ABCC10: variants seen among roughly 807,000 people sequenced by gnomAD.
ABCC10 encodes the protein ATP-binding cassette sub-family C member 10.
Under a neutral mutation model 143.2 loss-of-function variants are expected in ABCC10, and 110 were observed. The ratio of observed to expected loss-of-function variants is 0.77; its 90% CI spans 0.66 to 0.90. ABCC10 has a LOEUF of 0.90. ABCC10 is among the 40% of genes least tolerant of loss of function. The pLI is 0.00. For missense variants in ABCC10, 1,700 were observed against 1,900.5 expected, an observed-to-expected ratio of 0.89 and a Z score of 1.96; for synonymous variants, 805 against 846.7, an observed-to-expected ratio of 0.95 and a Z score of 0.85.
chr6:43,450,426 G>T lies in ABCC10; in HGVS notation c.*335G>T. On this transcript the variant is annotated 3_prime_UTR_variant, in exon 22 of 22. Transcript: ENST00000372530. This position sits in a 1 kb window ranked among gnomAD's most constrained non-coding sequence, Gnocchi z 4.5. ...ATTAAAAAAATAATATTTCTGGTGT[G>T]AGGCTGAGGTCTCCTCTGTGTGTGT... 1.7e-6 allele frequency: 2 copies of T among 1,203,458 alleles called. No individual in the cohort carries two copies. Among genetic ancestry groups the T allele is most frequent in the African/African-American group, 1.5e-5 (1 of 65,680 alleles). The allele number at this position is 1,203,458 out of a possible 1,614,324, so 74.5% of individuals were successfully genotyped here. A position where few individuals can be genotyped will look rare whatever the true frequency, so the allele number is the denominator to read the frequency against.
At chr6:43,429,409 T>TGTGG (rs1562163670) in intron 2 of ABCC10, among the ~76,000 whole-genome samples, 2 of 27,420 alleles carry the variant, frequency 7.3e-5, no homozygotes, top group Non-Finnish European at 1.6e-4. Context: ...TGTGTGTGTG[T>TGTGG]GGCGGGGGGG....
intron 8 of ABCC10, among the ~76,000 whole-genome samples, chr6:43,440,049 C>T (rs1311827006): frequency 6.6e-6 from 1 of 151,614 alleles, no homozygotes; most frequent in African/African-American, 2.4e-5. Context: ...CTTTGCCGCT[C>T]GGGTTCAAGT....
chr6:43,434,929 C>T (rs955218529), intron 4 of ABCC10, 81 bp downstream of exon 4: 2 of 1,446,468 alleles, frequency 1.4e-6, no homozygotes, highest in Non-Finnish European at 9.6e-7. Flanking sequence ...TCAGTGCTGG[C>T]TGAGAAGGAG....
rs1230502085 is a variant in ABCC10, at chr6:43,427,567, G to A, written c.-202G>A. ...GCATATGGGCGTGGCGAATAGCGCC[G>A]GCTAGGTCTTCCAACCTCTAGGTGG... On this transcript the variant is annotated 5_prime_UTR_variant, in exon 1 of 22. Coordinates refer to ENST00000372530, the MANE Select transcript of ABCC10 (RefSeq NM_001198934.2). 10 of 298,598 alleles carry A rather than the reference G, an allele frequency of 3.3e-5. No individual in the cohort carries two copies. The highest frequency in any genetic ancestry group is 2.9e-5 in the South Asian group (1 of 34,252). 18.5% of individuals were successfully genotyped at this position (298,598 alleles called of 1,614,324 possible).
In ABCC10 at chr6:43,443,174, A is replaced by G. The variant is rs1451057387; in HGVS notation, c.2416+15A>G. 6.3e-7 allele frequency: 1 copy of G among 1,575,580 alleles called. No individual in the cohort carries two copies. Among genetic ancestry groups the G allele is most frequent in the Admixed American group, 1.8e-5 (1 of 55,696 alleles). ...CATCCGGGCTGGTAATGGGGGCAGG[A>G]GCCCCGTGTGAGGGAGGTGTCTGCC... On this transcript the variant is annotated intron_variant, in intron 10 of 21. Coordinates refer to ENST00000372530, the MANE Select transcript of ABCC10 (RefSeq NM_001198934.2). The surrounding 1 kb of genome is among the most constrained non-coding windows in gnomAD (Gnocchi z 4.2).
intron 2 of ABCC10, 85 bp from the exon 3 acceptor site, chr6:43,432,057 G>C (rs1781193983): frequency 6.5e-7 from 1 of 1,549,826 alleles, no homozygotes; most frequent in Non-Finnish European, 8.7e-7. Flanking sequence ...TGATTCCTTA[G>C]GTAAGTGAAT....
At chr6:43,451,313 C>G (rs377322847), downstream of ABCC10, 3 of 1,594,814 alleles carry the variant, frequency 1.9e-6, no homozygotes, top group Middle Eastern at 1.7e-4. The surrounding 1 kb of genome is among the most constrained non-coding windows in gnomAD (Gnocchi z 4.4). Context: ...AACCAACTTA[C>G]CAACACCTGT....
Position 43,447,942 on chromosome 6 carries a change from G to T in ABCC10, c.3959+5G>T, listed in dbSNP as rs763950953. On this transcript the variant is annotated splice_donor_5th_base_variant and intron_variant, in intron 18 of 21. Transcript: ENST00000372530. ...GCTGGAGCTGGCCCAGCTCAGGTCTGGGGGAGATGGACTTGGGAGGGGAAG... is the reference window on the plus strand; with the variant it reads ...GCTGGAGCTGGCCCAGCTCAGGTCTTGGGGAGATGGACTTGGGAGGGGAAG... The T allele has an allele frequency of 4.3e-6, 7 of 1,612,042 alleles. No individual in the cohort carries two copies. Among genetic ancestry groups the T allele is most frequent in the Admixed American group, 1.7e-5 (1 of 59,974 alleles).
intron 2 of ABCC10, among the ~76,000 whole-genome samples, chr6:43,428,397 G>C (rs1780732858): frequency 6.6e-6 from 1 of 152,182 alleles, no homozygotes; most frequent in African/African-American, 2.4e-5. Flanking sequence ...TGTTTTTAAA[G>C]GTCCGATGAG....
chr6:43,448,080 C>T (rs906460488), intron 18 of ABCC10, 143 bp downstream of exon 18: 12 of 1,332,148 alleles, frequency 9.0e-6, no homozygotes, highest in Admixed American at 2.0e-5. Flanking sequence ...GATGAGCAGG[C>T]AAGGACAGCG....
intron 2 of ABCC10, among the ~76,000 whole-genome samples, chr6:43,429,926 C>T (rs1337801263): frequency 1.3e-5 from 2 of 152,066 alleles, no homozygotes; most frequent in Non-Finnish European, 2.9e-5. Context: ...GACGACAAAG[C>T]GAGACTCTGT....
intron 12 of ABCC10, 112 bp from the exon 13 acceptor site, chr6:43,444,676 G>A (rs943581672): frequency 2.1e-6 from 3 of 1,454,050 alleles, no homozygotes; most frequent in Non-Finnish European, 2.7e-6. Context: ...GCCAGGCCAG[G>A]CGGATGGAGA....
downstream of ABCC10, chr6:43,451,234 C>T (rs750313061): frequency 9.9e-6 from 16 of 1,614,014 alleles, no homozygotes; most frequent in Non-Finnish European, 1.4e-5. This position sits in a 1 kb window ranked among gnomAD's most constrained non-coding sequence, Gnocchi z 4.4. Context: ...AGAGCAAAGC[C>T]CTGGTCGTCC....
chr6:43,448,158 C>G, intron 18 of ABCC10: 1 of 730,198 alleles, frequency 1.4e-6, no homozygotes, highest in Admixed American at 2.0e-5. Context: ...TGACCCAGGC[C>G]ACCTTTCCAG....
intron 12 of ABCC10, among the ~76,000 whole-genome samples, chr6:43,444,558 C>T (rs1782822716): frequency 6.6e-6 from 1 of 152,234 alleles, no homozygotes; most frequent in African/African-American, 2.4e-5. Flanking sequence ...CCTAGGTTAG[C>T]TCCCATTCTG....
chr6:43,448,750 A>G (rs2127414199), intron 18 of ABCC10, 131 bp from the exon 19 acceptor site: 1 of 1,133,606 alleles, frequency 8.8e-7, no homozygotes, highest in Non-Finnish European at 1.2e-6. Flanking sequence ...TGGGGTGGGG[A>G]GCAGAGTGGG....
chr6:43,448,982 A>C lies in ABCC10; in HGVS notation c.4061A>C (p.Gln1354Pro). 1 of 1,614,200 alleles carries C rather than the reference A, an allele frequency of 6.2e-7. No individual in the cohort carries two copies. The highest frequency in any genetic ancestry group is 2.2e-5 in the East Asian group (1 of 44,884). Residue 1354 changes from glutamine (Q) to proline (P), a missense_variant, in exon 19 of 22, where the codon CAG (glutamine) becomes CCG (proline). Gln to Pro is a moderately conservative substitution (Grantham distance 76). Coordinates refer to ENST00000372530, the MANE Select transcript of ABCC10 (RefSeq NM_001198934.2). ...CTACATAAGGACAGGGCCTTGTGGC[A>C]GGCCCTGAAGCAGTGCCACCTGAGT... ...QGLHKDRALW[Q>P]ALKQCHLSEV...
intron 1 of ABCC10, 45 bp from the exon 2 acceptor site, chr6:43,427,922 GC>G: frequency 6.2e-7 from 1 of 1,604,772 alleles, no homozygotes. Context: ...TGCAGGCAAA[GC>G]CGGCTGTTAC....
intron 2 of ABCC10, chr6:43,431,918 C>T: frequency 7.2e-7 from 1 of 1,382,766 alleles, no homozygotes; most frequent in South Asian, 1.9e-5. Flanking sequence ...GAGTTAGGTT[C>T]AGGTGGCCGG....
Sources: gnomAD v4.1 joint callset for allele counts (sites outside exome capture counted in the v4.1 genomes callset) on GRCh38, gnomAD v4.1.1 for gene constraint, Gnocchi (gnomAD v3.1) non-coding constraint, MANE v1.5 for transcripts, NCBI Gene and HGNC (gene_info 2026-07-23, HGNC 2026-07-21) for gene names.